Variants in CADPS2 observed in about 807,000 individuals in gnomAD.
The protein encoded by CADPS2 is calcium-dependent secretion activator 2.
CADPS2 carries 93 observed loss-of-function variants against 172.5 expected under a neutral mutation model. The ratio of observed to expected loss-of-function variants is 0.54; its 90% CI spans 0.46 to 0.64. The LOEUF (loss-of-function observed/expected upper bound fraction) is 0.64. CADPS2 is among the 30% of genes least tolerant of loss of function. The probability of loss-of-function intolerance (pLI) is 0.00; values close to 1 mark genes in which losing one functional copy is unlikely to be tolerated. For synonymous variants in CADPS2, 546 were observed against 555.2 expected (o/e 0.98, Z 0.23); for missense variants, 1,420 against 1,565.9 (o/e 0.91, Z 1.57).
At chr7:122,652,066 C>T (rs1401513858) in intron 3 of CADPS2, among the ~76,000 whole-genome samples, 1 of 152,208 alleles carries the variant, frequency 6.6e-6, no homozygotes, top group African/African-American at 2.4e-5. Flanking sequence ...CTGCCCAGAA[C>T]ACCTTAGCAT....
intron 29 of CADPS2, among the ~76,000 whole-genome samples, chr7:122,321,252 G>A (rs532137962): frequency 1.3e-5 from 2 of 152,018 alleles, no homozygotes; most frequent in Non-Finnish European, 2.9e-5. Context: ...CTGCAGCCTC[G>A]ACCTCCCAGG....
At chr7:122,387,004 C>A (rs1421135428) in intron 24 of CADPS2, 22 bp downstream of exon 24, 1 of 1,551,020 alleles carries the variant, frequency 6.4e-7, no homozygotes. Flanking sequence ...CTGCCTTTCC[C>A]CATGTGGCAC....
chr7:122,679,559 A>T (rs572156306), intron 2 of CADPS2, among the ~76,000 whole-genome samples: 44 of 151,992 alleles, frequency 2.9e-4, no homozygotes, highest in African/African-American at 1.0e-3. Flanking sequence ...CTGCCTTGTG[A>T]TCTTTTGTTG....
At chr7:122,641,997 AGGCC>A (rs1236083075) in intron 3 of CADPS2, among the ~76,000 whole-genome samples, 1 of 152,090 alleles carries the variant, frequency 6.6e-6, no homozygotes, top group Non-Finnish European at 1.5e-5. Context: ...GGAGAAATTG[AGGCC>A]GGCCGTGGTG....
intron 2 of CADPS2, among the ~76,000 whole-genome samples, chr7:122,664,455 G>A (rs544135353): frequency 1.4e-4 from 21 of 152,238 alleles, no homozygotes; most frequent in Middle Eastern, 3.4e-3. Context: ...CAACCATAGA[G>A]TAAGATGTTC....
intron 1 of CADPS2, among the ~76,000 whole-genome samples, chr7:122,860,640 A>C (rs1468849554): frequency 6.6e-6 from 1 of 152,202 alleles, no homozygotes; most frequent in Non-Finnish European, 1.5e-5. Flanking sequence ...TTTAAAATGA[A>C]TGAATATAGC....
chr7:122,702,052 C>A (rs780123582), intron 2 of CADPS2: 1 of 1,613,590 alleles, frequency 6.2e-7, no homozygotes, highest in Admixed American at 1.7e-5. Flanking sequence ...CAATAGCTTT[C>A]TTCACATCTG....
At chr7:122,342,553 T>G (rs1265142657) in intron 28 of CADPS2, among the ~76,000 whole-genome samples, 1 of 152,158 alleles carries the variant, frequency 6.6e-6, no homozygotes, top group African/African-American at 2.4e-5. Context: ...CCAAAAATGT[T>G]GGGGGCAGGG....
intron 2 of CADPS2, among the ~76,000 whole-genome samples, chr7:122,721,961 T>G (rs1426866466): frequency 6.6e-6 from 1 of 152,150 alleles, no homozygotes; most frequent in Non-Finnish European, 1.5e-5. Context: ...TCTCAACAGA[T>G]GCAGAAAAGG....
chr7:122,658,883 T>TA (rs999515059), intron 3 of CADPS2, among the ~76,000 whole-genome samples: 4 of 151,132 alleles, frequency 2.6e-5, no homozygotes, highest in African/African-American at 4.9e-5. Flanking sequence ...TAAAGTATAA[T>TA]AAAAAAATTA....
intron 3 of CADPS2, among the ~76,000 whole-genome samples, chr7:122,641,220 A>G (rs2077607752): frequency 6.6e-6 from 1 of 152,218 alleles, no homozygotes; most frequent in Non-Finnish European, 1.5e-5. Context: ...TGATCATAAC[A>G]GATACCTAAT....
At chr7:122,698,382 C>A in intron 2 of CADPS2, 1 of 1,613,966 alleles carries the variant, frequency 6.2e-7, no homozygotes, top group South Asian at 1.1e-5. Flanking sequence ...GCTTTCTCCC[C>A]ACCTCAACCA....
At chr7:122,866,559 G>C (rs1563206957) in intron 1 of CADPS2, among the ~76,000 whole-genome samples, 1 of 152,134 alleles carries the variant, frequency 6.6e-6, no homozygotes. Flanking sequence ...AAATTAGCCA[G>C]ATGTAGTGGC....
chr7:122,530,053 G>A (rs992196238), intron 8 of CADPS2, among the ~76,000 whole-genome samples: 1 of 151,870 alleles, frequency 6.6e-6, no homozygotes. Context: ...TTTACTTTGG[G>A]CAGTTTAGAA....
chr7:122,755,397 C>T lies in CADPS2; in HGVS notation c.340-18329G>A, dbSNP rs558349008. The stretch of plus-strand genomic sequence containing the variant: ...GCAATGAGTAGCTAAAACCAAAATG[C>T]CTCACATCAACTACAAAATCACTTT... On this transcript the variant is annotated intron_variant, in intron 1 of 29. Transcript: ENST00000449022. Among the ~76,000 whole-genome samples, 7 of 152,224 alleles carry T rather than the reference C, an allele frequency of 4.6e-5. No individual in the cohort carries two copies. In the East Asian group the frequency reaches 1.4e-3, roughly 29 times the overall value.
intron 1 of CADPS2, among the ~76,000 whole-genome samples, chr7:122,746,319 T>C (rs2092715697): frequency 6.6e-6 from 1 of 152,142 alleles, no homozygotes; most frequent in South Asian, 2.1e-4. Flanking sequence ...CAAGTTAACA[T>C]ACGTTTTAAG....
chr7:122,784,822 T>A lies in CADPS2; in HGVS notation c.340-47754A>T, dbSNP rs191234958. Among the ~76,000 whole-genome samples the A allele has an allele frequency of 2.7e-3, 412 of 152,330 alleles. 3 individuals are homozygous for A. Among genetic ancestry groups the A allele is most frequent in the African/African-American group, 9.5e-3 (396 of 41,578 alleles). On this transcript the variant is annotated intron_variant, in intron 1 of 29. Coordinates refer to ENST00000449022, the MANE Select transcript of CADPS2 (RefSeq NM_017954.11). ...TCTCATCAGGTGAGTCTAGACCTTATTAAGCCTTTTTACTTTGCGGGCCAA... is the reference window on the plus strand; with the variant it reads ...TCTCATCAGGTGAGTCTAGACCTTAATAAGCCTTTTTACTTTGCGGGCCAA...
chr7:122,319,802 C>T lies in CADPS2; in HGVS notation c.*363G>A, dbSNP rs933740810. On this transcript the variant is annotated 3_prime_UTR_variant, in exon 30 of 30. Transcript: ENST00000449022. ...ATGCTGCATTATGAGAAATATGTAT[C>T]TCGCTTTACACAGAAAACATCATTT... 1.1e-5 allele frequency: 2 copies of T among 178,360 alleles called. No homozygotes were observed. The highest frequency in any genetic ancestry group is 2.3e-5 in the Non-Finnish European group (2 of 86,036). 11.0% of individuals were successfully genotyped at this position (178,360 alleles called of 1,614,324 possible).
At chr7:122,325,690 T>C in intron 28 of CADPS2, 109 bp from the exon 29 acceptor site, 1 of 666,300 alleles carries the variant, frequency 1.5e-6, no homozygotes, top group Non-Finnish European at 2.7e-6. Flanking sequence ...CACTCTGAAA[T>C]GACCACAGAT....
Sources: gnomAD v4.1 joint callset for allele counts (sites outside exome capture counted in the v4.1 genomes callset) on GRCh38, gnomAD v4.1.1 for gene constraint, MANE v1.5 for transcripts, NCBI Gene and HGNC (gene_info 2026-07-23, HGNC 2026-07-21) for gene names.